Variants in ZNF423 observed in about 807,000 individuals in gnomAD.
ZNF423 encodes the protein zinc finger protein 423, also known as Ebf-associated zinc finger protein.
ZNF423 carries 12 observed loss-of-function variants against 95.8 expected under a neutral mutation model. The ratio of observed to expected loss-of-function variants is 0.13; its 90% CI spans 0.08 to 0.20. The LOEUF (loss-of-function observed/expected upper bound fraction) is 0.20, where lower values mean the gene tolerates loss of function less well. Ranked by LOEUF, ZNF423 falls within the 10% of genes least tolerant of loss-of-function variation. The probability of loss-of-function intolerance (pLI) is 1.00; values close to 1 mark genes in which losing one functional copy is unlikely to be tolerated. For missense variants in ZNF423, 1,316 were observed against 1,737.1 expected, an observed-to-expected ratio of 0.76 and a Z score of 4.31; for synonymous variants, 749 against 711.9, an observed-to-expected ratio of 1.05 and a Z score of -0.83.
intron 1 of ZNF423, among the ~76,000 whole-genome samples, chr16:49,838,138 T>A (rs1345381759): frequency 6.6e-6 from 1 of 152,196 alleles, no homozygotes; most frequent in African/African-American, 2.4e-5. Flanking sequence ...CAAATCTGTG[T>A]GCCAATCTTC....
chr16:49,541,498 G>A (rs1969245563), intron 5 of ZNF423, among the ~76,000 whole-genome samples: 1 of 152,188 alleles, frequency 6.6e-6, no homozygotes, highest in African/African-American at 2.4e-5. Flanking sequence ...GAAACTTGCT[G>A]GAAGGACACA....
intron 7 of ZNF423, among the ~76,000 whole-genome samples, chr16:49,503,233 AG>A (rs1248699807): frequency 6.6e-6 from 1 of 152,170 alleles, no homozygotes; most frequent in Non-Finnish European, 1.5e-5. Flanking sequence ...CCAGGACGCA[AG>A]GGCCCCTTGA....
intron 5 of ZNF423, among the ~76,000 whole-genome samples, chr16:49,546,210 G>A (rs896757035): frequency 2.0e-5 from 3 of 151,918 alleles, no homozygotes; most frequent in Non-Finnish European, 2.9e-5. Context: ...CACAATAAAT[G>A]TCTTCTGACT....
intron 3 of ZNF423, among the ~76,000 whole-genome samples, chr16:49,694,765 C>T (rs1404836116): frequency 6.6e-6 from 1 of 152,226 alleles, no homozygotes; most frequent in Non-Finnish European, 1.5e-5. Flanking sequence ...CACCGCCAGC[C>T]ACACTGAGGG....
Position 49,855,078 on chromosome 16 carries a change from G to C in ZNF423, c.40+657C>G. The C allele has an allele frequency of 2.0e-6, 2 of 979,286 alleles. No homozygotes were observed. The highest frequency in any genetic ancestry group is 2.4e-6 in the Non-Finnish European group (2 of 824,724). The allele number at this position is 979,286 out of a possible 1,614,324, so 60.7% of individuals were successfully genotyped here. ...CCTGGCGGAGGCTCCCTGCCCGGTG[G>C]GCCTCGGTGGAGGAGGCAGGAAGTG... On this transcript the variant is annotated intron_variant, in intron 1 of 7. Transcript: ENST00000563137. The surrounding 1 kb of genome is among the most constrained non-coding windows in gnomAD (Gnocchi z 4.7).
chr16:49,591,538 G>A (rs768525614), intron 5 of ZNF423, among the ~76,000 whole-genome samples: 58 of 151,512 alleles, frequency 3.8e-4, no homozygotes, highest in Non-Finnish European at 7.5e-4. Context: ...GCAAAAATAG[G>A]GCATTATAAC....
chr16:49,799,597 C>A (rs554499054), intron 1 of ZNF423, among the ~76,000 whole-genome samples: 1 of 152,268 alleles, frequency 6.6e-6, no homozygotes, highest in South Asian at 2.1e-4. Flanking sequence ...CCCATGATCA[C>A]CCCAAAAGAG....
chr16:49,670,340 C>G (rs946692975), intron 3 of ZNF423, among the ~76,000 whole-genome samples: 2 of 152,178 alleles, frequency 1.3e-5, no homozygotes, highest in Non-Finnish European at 2.9e-5. Context: ...CAGATGGAAG[C>G]CAGAAAAAAA....
chr16:49,532,201 C>G (rs549277019), intron 5 of ZNF423, among the ~76,000 whole-genome samples: 1 of 152,138 alleles, frequency 6.6e-6, no homozygotes, highest in Non-Finnish European at 1.5e-5. Context: ...GGAAATGATG[C>G]GAGTATATCT....
At chr16:49,773,713 T>G (rs1388767981) in intron 2 of ZNF423, among the ~76,000 whole-genome samples, 1 of 152,196 alleles carries the variant, frequency 6.6e-6, no homozygotes, top group African/African-American at 2.4e-5. Context: ...GCCACAAACT[T>G]GCTGTGTGAC....
chr16:49,594,299 C>G (rs1971113551), intron 5 of ZNF423, among the ~76,000 whole-genome samples: 1 of 152,178 alleles, frequency 6.6e-6, no homozygotes, highest in Non-Finnish European at 1.5e-5. Context: ...CTCCTCTCTC[C>G]TCTCCTTCCA....
At chr16:49,722,053 TCCC>T (rs1260845201) in intron 3 of ZNF423, among the ~76,000 whole-genome samples, 1 of 151,868 alleles carries the variant, frequency 6.6e-6, no homozygotes, top group Non-Finnish European at 1.5e-5. Context: ...AAGAAACAAG[TCCC>T]CACCACCACC....
At chr16:49,692,618 C>T (rs185389267) in intron 3 of ZNF423, among the ~76,000 whole-genome samples, 1 of 152,336 alleles carries the variant, frequency 6.6e-6, no homozygotes, top group Admixed American at 6.5e-5. Context: ...GCCAAGGGAA[C>T]AGCCACACAG....
At chr16:49,543,494 G>A (rs898777378) in intron 5 of ZNF423, among the ~76,000 whole-genome samples, 4 of 152,196 alleles carry the variant, frequency 2.6e-5, no homozygotes, top group Admixed American at 6.5e-5. Context: ...AGTCCTCTGC[G>A]GGAGCGGATC....
At chr16:49,642,568 A>G (rs1002891347) in intron 3 of ZNF423, among the ~76,000 whole-genome samples, 4 of 152,344 alleles carry the variant, frequency 2.6e-5, no homozygotes, top group African/African-American at 9.6e-5. Flanking sequence ...GAAAAGGCCC[A>G]ATCAGGGAAA....
At chr16:49,730,585 G>C in intron 3 of ZNF423, 186 bp downstream of exon 3, 2 of 660,438 alleles carry the variant, frequency 3.0e-6, no homozygotes, top group Non-Finnish European at 5.1e-6. Flanking sequence ...CTGCCGGAAA[G>C]CTGTTGCTTT....
intron 5 of ZNF423, among the ~76,000 whole-genome samples, chr16:49,532,202 G>A (rs962455029): frequency 1.3e-5 from 2 of 152,168 alleles, no homozygotes; most frequent in Non-Finnish European, 1.5e-5. Flanking sequence ...GAAATGATGC[G>A]AGTATATCTT....
intron 1 of ZNF423, among the ~76,000 whole-genome samples, chr16:49,823,133 C>T (rs12917979): frequency 0.017 from 2,642 of 152,274 alleles, 43 homozygotes; most frequent in Non-Finnish European, 0.026. Context: ...CTCTCACCAG[C>T]GATGCTAATG....
chr16:49,831,810 G>C (rs1247110856), intron 1 of ZNF423, among the ~76,000 whole-genome samples: 2 of 152,018 alleles, frequency 1.3e-5, no homozygotes, highest in Admixed American at 6.6e-5. Flanking sequence ...GGCCAACATG[G>C]CGAAACCCCA....
Sources: allele counts gnomAD v4.1 joint callset (sites outside exome capture counted in the v4.1 genomes callset), GRCh38; gene constraint gnomAD v4.1.1; non-coding constraint Gnocchi (gnomAD v3.1); transcripts MANE v1.5; gene names NCBI Gene and HGNC (gene_info 2026-07-23, HGNC 2026-07-21).